CACNA2D3: variants seen among roughly 807,000 people sequenced by gnomAD.
The protein encoded by CACNA2D3 is voltage-dependent calcium channel subunit alpha-2/delta-3.
CACNA2D3 carries 60 observed loss-of-function variants against 160.6 expected under a neutral mutation model. That is an observed-to-expected ratio of 0.37 (90% CI 0.30 to 0.46). CACNA2D3 has a LOEUF of 0.46. CACNA2D3 is among the 20% of genes least tolerant of loss of function. The probability of loss-of-function intolerance (pLI) is 1.00; values close to 1 mark genes in which losing one functional copy is unlikely to be tolerated. For missense variants in CACNA2D3, 1,205 were observed against 1,365.0 expected (o/e 0.88, Z 1.85); for synonymous variants, 558 against 492.9 (o/e 1.13, Z -1.75).
At chr3:54,626,295 G>C (rs1243717266) in intron 9 of CACNA2D3, 1 of 1,524,928 alleles carries the variant, frequency 6.6e-7, no homozygotes, top group Non-Finnish European at 8.9e-7. Context: ...TGCTGGACAT[G>C]TCCTACAAGC....
intron 11 of CACNA2D3, among the ~76,000 whole-genome samples, chr3:54,645,824 C>G (rs982055921): frequency 6.6e-6 from 1 of 152,138 alleles, no homozygotes. Context: ...CTTTCATCTT[C>G]ATTCTTTGGT....
intron 16 of CACNA2D3, among the ~76,000 whole-genome samples, chr3:54,845,375 A>G (rs1698910700): frequency 6.6e-6 from 1 of 152,214 alleles, no homozygotes; most frequent in African/African-American, 2.4e-5. Flanking sequence ...GTGGCAGAGA[A>G]TTTAAAGAAA....
chr3:54,507,468 G>A (rs28507696), intron 5 of CACNA2D3, among the ~76,000 whole-genome samples: 53,259 of 151,876 alleles, frequency 0.35, 9,580 homozygotes, highest in East Asian at 0.5. Flanking sequence ...GCAGCCTTGT[G>A]CCCCCTTTAC....
rs139586193 is a variant in CACNA2D3 at position 54,472,051 on chromosome 3, G to A, written c.382-31441G>A. On this transcript the variant is annotated intron_variant, in intron 4 of 37. Transcript: ENST00000474759. Reference sequence around the variant, plus strand: ...ACTCCTCCCTAACATATTTTGTGAGGCCAGCATCATCCTGATACCAAAACC... The same window carrying A: ...ACTCCTCCCTAACATATTTTGTGAGACCAGCATCATCCTGATACCAAAACC... Among the ~76,000 whole-genome samples, 876 of 152,240 alleles carry A rather than the reference G, an allele frequency of 5.8e-3. 9 individuals carry two copies. The highest frequency in any genetic ancestry group is 0.019 in the African/African-American group (782 of 41,512).
chr3:54,645,234 C>G (rs376080252), intron 11 of CACNA2D3, among the ~76,000 whole-genome samples: 19 of 152,284 alleles, frequency 1.2e-4, no homozygotes, highest in East Asian at 1.2e-3. Context: ...ACCATTAAAT[C>G]TCATGAGAAC....
At chr3:54,988,227 A>G (rs1329995442) in intron 31 of CACNA2D3, among the ~76,000 whole-genome samples, 1 of 152,208 alleles carries the variant, frequency 6.6e-6, no homozygotes, top group Non-Finnish European at 1.5e-5. Flanking sequence ...TCCGCTCTTG[A>G]TGGAGGTAAG....
intron 12 of CACNA2D3, among the ~76,000 whole-genome samples, chr3:54,759,481 A>G (rs1165042585): frequency 8.0e-6 from 1 of 125,762 alleles, no homozygotes; most frequent in African/African-American, 3.8e-5. Flanking sequence ...TTTAAAAACC[A>G]AAAAAAAAAA....
intron 35 of CACNA2D3, among the ~76,000 whole-genome samples, chr3:55,056,470 T>C (rs1220420622): frequency 6.6e-6 from 1 of 152,170 alleles, no homozygotes; most frequent in East Asian, 1.9e-4. Context: ...ACCCAAAAGA[T>C]TTGAAATCAA....
At chr3:54,815,745 A>G (rs1452285150) in intron 13 of CACNA2D3, among the ~76,000 whole-genome samples, 1 of 152,170 alleles carries the variant, frequency 6.6e-6, no homozygotes, top group Non-Finnish European at 1.5e-5. Context: ...TTTCTCTGTA[A>G]AACAGGGATA....
At chr3:54,650,324 C>G (rs977031748) in intron 11 of CACNA2D3, among the ~76,000 whole-genome samples, 1 of 151,818 alleles carries the variant, frequency 6.6e-6, no homozygotes, top group Admixed American at 6.6e-5. Context: ...CTCAGCCTCC[C>G]GAGTAGCTAG....
rs753105442 is a variant in CACNA2D3 at position 54,838,646 on chromosome 3, A to G, written c.1549A>G (p.Lys517Glu). The G allele has an allele frequency of 2.5e-6, 4 of 1,605,938 alleles. No homozygotes were observed. In the South Asian group the frequency reaches 4.4e-5, roughly 18 times the overall value. Residue 517 changes from lysine to glutamate, a missense_variant and splice_region_variant, in exon 16 of 38, where the codon AAG becomes GAG. Transcript: ENST00000474759. ...ACTTCTGAAGACCATCCCCAAATAC[A>G]AGGTAATGAATGACCTAATCCCTGA... ...KELLKTIPKYKLGIHGYAFAI... is the reference protein window; with the variant it reads ...KELLKTIPKYELGIHGYAFAI...
chr3:54,844,300 C>T (rs1247526867), intron 16 of CACNA2D3, among the ~76,000 whole-genome samples: 1 of 152,000 alleles, frequency 6.6e-6, no homozygotes, highest in African/African-American at 2.4e-5. Context: ...CCCCTGGCAA[C>T]CGTAGAGAAA....
intron 2 of CACNA2D3, among the ~76,000 whole-genome samples, chr3:54,174,276 A>G (rs1172676376): frequency 6.6e-6 from 1 of 152,126 alleles, no homozygotes; most frequent in African/African-American, 2.4e-5. Context: ...TCCATTTTCA[A>G]AAGTATTTGT....
intron 11 of CACNA2D3, among the ~76,000 whole-genome samples, chr3:54,719,970 TA>T (rs1701139893): frequency 6.6e-6 from 1 of 151,962 alleles, no homozygotes; most frequent in Non-Finnish European, 1.5e-5. Context: ...TTTTCACATG[TA>T]AAAGATCTGT....
intron 2 of CACNA2D3, among the ~76,000 whole-genome samples, chr3:54,149,267 G>GCACACACACACACACACA (rs3060363): frequency 3.6e-4 from 52 of 144,438 alleles, no homozygotes; most frequent in African/African-American, 1.2e-3. Context: ...GGTCCCATGT[G>GCACACACACACACACACA]CACACACACA....
chr3:54,327,965 A>G (rs572992298), intron 3 of CACNA2D3, among the ~76,000 whole-genome samples: 117 of 152,348 alleles, frequency 7.7e-4, no homozygotes, highest in African/African-American at 2.6e-3. Flanking sequence ...GGATGTTCCA[A>G]TCAAGCAGCT....
rs763807170 is a variant in CACNA2D3 at position 54,871,548 on chromosome 3, G to T, written c.1636G>T (p.Gly546Ter). ...HPELRLLYEE[G>*]KKRRKPNYSS... is the part of the protein sequence containing the mutation. ...TTCTTCCCCTTGCTAGTACGAAGAA[G>T]GAAAAAAGCGAAGGAAACCTAACTA... Residue 546 changes from glycine to a stop codon, truncating the protein, a stop_gained, in exon 18 of 38, where the codon GGA (glycine) becomes TGA (stop). Transcript: ENST00000474759. LOFTEE classifies it high-confidence loss of function. 1 of 1,612,570 alleles carries T rather than the reference G, an allele frequency of 6.2e-7. No individual in the cohort carries two copies.
At chr3:54,793,341 A>G (rs1454701133) in intron 13 of CACNA2D3, among the ~76,000 whole-genome samples, 2 of 152,224 alleles carry the variant, frequency 1.3e-5, no homozygotes, top group African/African-American at 4.8e-5. Flanking sequence ...GCTCTGTGCA[A>G]CTGTTTGGCA....
intron 3 of CACNA2D3, among the ~76,000 whole-genome samples, chr3:54,368,144 T>C (rs539549156): frequency 9.6e-4 from 146 of 152,306 alleles, no homozygotes; most frequent in African/African-American, 3.3e-3. Flanking sequence ...TTAAAAGAGT[T>C]ATTATTTTAA....
Sources: gnomAD v4.1 joint callset for allele counts (sites outside exome capture counted in the v4.1 genomes callset) on GRCh38, gnomAD v4.1.1 for gene constraint, MANE v1.5 for transcripts, NCBI Gene and HGNC (gene_info 2026-07-23, HGNC 2026-07-21) for gene names.